Variants in TRNAU1AP observed in about 807,000 individuals in gnomAD.
TRNAU1AP encodes tRNA selenocysteine 1 associated protein 1, also known as tRNA selenocysteine 1-associated protein 1.
Under a neutral mutation model 43.3 loss-of-function variants are expected in TRNAU1AP, and 33 were observed. The observed-to-expected ratio is 0.76, with a 90% CI of 0.58 to 1.02. The LOEUF is 1.02. TRNAU1AP is among the 50% of genes least tolerant of loss of function. The pLI, the probability that TRNAU1AP is intolerant of heterozygous loss-of-function variation, is 0.00. For synonymous variants in TRNAU1AP, 143 were observed against 129.1 expected (o/e 1.11, Z -0.73); for missense variants, 290 against 362.7 (o/e 0.80, Z 1.63).
At chr1:28,563,116 G>T (rs999437935) in intron 4 of TRNAU1AP, among the ~76,000 whole-genome samples, 1 of 151,346 alleles carries the variant, frequency 6.6e-6, no homozygotes, top group Non-Finnish European at 1.5e-5. Context: ...GGCTGGTTTT[G>T]AACTCTTGAC....
rs1665655245 is a variant in TRNAU1AP, at chr1:28,571,221, C to G, written c.576C>G (p.Ser192Arg). The G allele has an allele frequency of 6.2e-7, 1 of 1,614,060 alleles. No individual in the cohort carries two copies. Among genetic ancestry groups the G allele is most frequent in the Non-Finnish European group, 8.5e-7 (1 of 1,179,976 alleles). The change falls in exon 7 of 9, where the codon AGC becomes AGG. Residue 192 changes from serine to arginine, a missense_variant. Transcript: ENST00000373830. ...AATATAGTCAGATGTACAGTTATAG[C>G]TACAACCAGTATTATCAGCAGTACC... ...PVEYSQMYSY[S>R]YNQYYQQYQN...
At chr1:28,557,829 C>T (rs1570246293) in intron 2 of TRNAU1AP, among the ~76,000 whole-genome samples, 1 of 151,986 alleles carries the variant, frequency 6.6e-6, no homozygotes, top group East Asian at 1.9e-4. Flanking sequence ...CCTCGTGATC[C>T]ACCCACCTTG....
At chr1:28,577,162 C>G (rs1202973494) in intron 8 of TRNAU1AP, among the ~76,000 whole-genome samples, 6 of 152,176 alleles carry the variant, frequency 3.9e-5, no homozygotes, top group Non-Finnish European at 8.8e-5. Flanking sequence ...ATTGTCAGTT[C>G]TTGAGATGAT....
intron 8 of TRNAU1AP, among the ~76,000 whole-genome samples, chr1:28,573,536 G>A (rs1479816897): frequency 1.3e-5 from 2 of 151,872 alleles, no homozygotes; most frequent in African/African-American, 4.8e-5. Flanking sequence ...ACTTTGGGAA[G>A]CCACGGCGGG....
At chr1:28,575,159 T>C (rs1387305185) in intron 8 of TRNAU1AP, among the ~76,000 whole-genome samples, 3 of 152,150 alleles carry the variant, frequency 2.0e-5, no homozygotes, top group African/African-American at 7.2e-5. Context: ...TTTAATCCTT[T>C]TTTTGTTTTC....
Position 28,560,650 on chromosome 1 carries a change from G to C in TRNAU1AP, c.143G>C (p.Cys48Ser). Residue 48 changes from cysteine to serine, a missense_variant, in exon 3 of 9, where the codon TGC becomes TCC. Physicochemically the swap from Cys to Ser is moderately radical, Grantham distance 112. This residue lies in a region of TRNAU1AP where 174 missense variants were observed against 262.1 expected (regional missense o/e 0.66). Transcript: ENST00000373830. ...NRLTGIPAGY[C>S]FVEFADLATA... Reference sequence around the variant, plus strand: ...TTTTCCAGGATCCCAGCTGGCTACTGCTTTGTAGAATTTGCAGATTTGGCC... The same window carrying C: ...TTTTCCAGGATCCCAGCTGGCTACTCCTTTGTAGAATTTGCAGATTTGGCC... The C allele has an allele frequency of 6.2e-7, 1 of 1,613,906 alleles. No homozygotes were observed. The highest frequency in any genetic ancestry group is 1.1e-5 in the South Asian group (1 of 91,046).
chr1:28,554,782 T>G (rs1665220612), intron 2 of TRNAU1AP, among the ~76,000 whole-genome samples: 1 of 149,886 alleles, frequency 6.7e-6, no homozygotes, highest in Non-Finnish European at 1.5e-5. Flanking sequence ...AGGCGGAGCT[T>G]GCAGTGAGCC....
chr1:28,578,328 C>A lies in TRNAU1AP; in HGVS notation c.*692C>A. On this transcript the variant is annotated 3_prime_UTR_variant, in exon 9 of 9. Coordinates refer to ENST00000373830, the MANE Select transcript of TRNAU1AP (RefSeq NM_017846.5). ...CCCTCCGTGTGAACTTTATACTGCTCACTTCCGTGTTTCCCAAGTAAATGG... is the reference window on the plus strand; with the variant it reads ...CCCTCCGTGTGAACTTTATACTGCTAACTTCCGTGTTTCCCAAGTAAATGG... 5.6e-6 allele frequency: 1 copy of A among 178,118 alleles called. No homozygotes were observed. 11.0% of individuals were successfully genotyped at this position (178,118 alleles called of 1,614,324 possible).
intron 2 of TRNAU1AP, among the ~76,000 whole-genome samples, chr1:28,557,326 A>G (rs1665287909): frequency 6.6e-6 from 1 of 151,476 alleles, no homozygotes; most frequent in South Asian, 2.1e-4. Context: ...AGGCTGAGGC[A>G]GGAGAATGGC....
chr1:28,561,305 C>T (rs1665398517), intron 3 of TRNAU1AP, 41 bp from the exon 4 acceptor site: 1 of 1,612,960 alleles, frequency 6.2e-7, no homozygotes, highest in African/African-American at 1.3e-5. Flanking sequence ...ACTCTTGAAA[C>T]ACCTTTCTCT....
intron 4 of TRNAU1AP, among the ~76,000 whole-genome samples, chr1:28,561,953 T>A (rs1665417832): frequency 6.6e-6 from 1 of 151,436 alleles, no homozygotes; most frequent in African/African-American, 2.5e-5. Context: ...GCGCCTGTAG[T>A]CCCAGCTACT....
In TRNAU1AP at chr1:28,574,761, T is replaced by C. The variant is rs538853540; in HGVS notation, c.728-2739T>C. The C allele has an allele frequency of 2.0e-5, 3 of 152,316 alleles. No individual in the cohort carries two copies. The East Asian group carries it at 5.8e-4, about 29-fold the overall frequency. The allele number at this position is 152,316 out of a possible 1,614,324, so 9.4% of individuals were successfully genotyped here. A position where few individuals can be genotyped will look rare whatever the true frequency, so the allele number is the denominator to read the frequency against. ...GTTTGAAATCTGTTTTGAGGATTCG[T>C]CTTCAAGAGAAAGTCATAGGGAAAA... On this transcript the variant is annotated intron_variant, in intron 8 of 8. Transcript: ENST00000373830.
chr1:28,557,581 GTGTTT>G (rs942434825), intron 2 of TRNAU1AP, among the ~76,000 whole-genome samples: 5 of 147,124 alleles, frequency 3.4e-5, no homozygotes, highest in African/African-American at 1.0e-4. Context: ...TATAATCTTG[GTGTTT>G]TGTTTTGTTT....
chr1:28,553,196 G>A, intron 1 of TRNAU1AP, 59 bp downstream of exon 1: 2 of 1,444,070 alleles, frequency 1.4e-6, no homozygotes. Flanking sequence ...TTTCGCGAGA[G>A]AGGAAGGATC....
intron 6 of TRNAU1AP, among the ~76,000 whole-genome samples, chr1:28,568,643 A>G (rs995120454): frequency 3.3e-5 from 5 of 152,114 alleles, no homozygotes; most frequent in African/African-American, 4.8e-5. Context: ...GAGGACATTG[A>G]CAACATCTGG....
intron 5 of TRNAU1AP, among the ~76,000 whole-genome samples, chr1:28,566,869 AGG>A (rs1475138583): frequency 6.6e-6 from 1 of 152,198 alleles, no homozygotes; most frequent in Non-Finnish European, 1.5e-5. Context: ...ATTTGAGCTC[AGG>A]AGAGCAGGAA....
At chr1:28,571,096 C>T in intron 6 of TRNAU1AP, 80 bp from the exon 7 acceptor site, 1 of 1,427,272 alleles carries the variant, frequency 7.0e-7, no homozygotes, top group Middle Eastern at 2.0e-4. Flanking sequence ...GTATAAAGCA[C>T]TTAAAATAGT....
At chr1:28,566,215 T>C (rs575390246) in intron 5 of TRNAU1AP, among the ~76,000 whole-genome samples, 2 of 149,174 alleles carry the variant, frequency 1.3e-5, no homozygotes, top group East Asian at 4.0e-4. Context: ...CTCGGGAGGC[T>C]GAAGCAGAAG....
chr1:28,569,720 C>T lies in TRNAU1AP; in HGVS notation c.531-1456C>T, dbSNP rs563525189. On this transcript the variant is annotated intron_variant, in intron 6 of 8. Coordinates refer to ENST00000373830, the MANE Select transcript of TRNAU1AP (RefSeq NM_017846.5). The stretch of plus-strand genomic sequence containing the variant: ...AAAAAAAAAAGGCCAGGTGCAGTGG[C>T]TCACGCCTGTAATCCCAGCACTTTG... 1.1e-4 allele frequency among the ~76,000 whole-genome samples: 16 copies of T among 143,224 alleles called. No homozygotes were observed. The East Asian group carries it at 3.3e-3, about 29-fold the overall frequency. The allele number at this position is 143,224 out of a possible 152,430, so 94.0% of individuals were successfully genotyped here. A position where few individuals can be genotyped will look rare whatever the true frequency, so the allele number is the denominator to read the frequency against.
Sources: allele counts gnomAD v4.1 joint callset (sites outside exome capture counted in the v4.1 genomes callset), GRCh38; gene constraint gnomAD v4.1.1; regional missense constraint gnomAD v4.1.1; transcripts MANE v1.5; gene names NCBI Gene and HGNC (gene_info 2026-07-23, HGNC 2026-07-21).